Variants in MKLN1 observed in about 807,000 individuals in gnomAD.
MKLN1 encodes the protein muskelin 1, also known as muskelin.
MKLN1 carries 18 observed loss-of-function variants against 99.0 expected under a neutral mutation model. The ratio of observed to expected loss-of-function variants is 0.18; its 90% CI spans 0.13 to 0.27. The LOEUF (loss-of-function observed/expected upper bound fraction) is 0.27, where lower values mean the gene tolerates loss of function less well. Ranked by LOEUF, MKLN1 falls within the 10% of genes least tolerant of loss-of-function variation. MKLN1 has a pLI of 1.00. For synonymous variants in MKLN1, 288 were observed against 293.2 expected (o/e 0.98, Z 0.18); for missense variants, 621 against 875.9 (o/e 0.71, Z 3.67).
chr7:131,144,481 CAAA>C (rs34534901), intron 2 of MKLN1, among the ~76,000 whole-genome samples: 6 of 134,874 alleles, frequency 4.4e-5, no homozygotes, highest in Non-Finnish European at 4.8e-5. Flanking sequence ...GACTGTGTCT[CAAA>C]AAAAAAAAAA....
intron 1 of MKLN1, among the ~76,000 whole-genome samples, chr7:131,365,950 A>G (rs1800168361): frequency 6.6e-6 from 1 of 152,108 alleles, no homozygotes; most frequent in Non-Finnish European, 1.5e-5. Flanking sequence ...GTTATTACTG[A>G]CTTTTGTGTA....
chr7:131,154,224 T>G (rs924204064), intron 2 of MKLN1, among the ~76,000 whole-genome samples: 2 of 151,524 alleles, frequency 1.3e-5, no homozygotes, highest in African/African-American at 2.4e-5. Context: ...GGAAAGAAAG[T>G]GGAGGGGATA....
At chr7:131,231,035 G>T (rs773323388) in intron 3 of MKLN1, among the ~76,000 whole-genome samples, 1 of 136,792 alleles carries the variant, frequency 7.3e-6, no homozygotes, top group Admixed American at 8.3e-5. Flanking sequence ...CACGAGAATC[G>T]TTTGAACCTG....
chr7:131,132,909 G>A (rs1271655984), intron 1 of MKLN1, among the ~76,000 whole-genome samples: 4 of 108,956 alleles, frequency 3.7e-5, no homozygotes, highest in Non-Finnish European at 6.8e-5. Context: ...CTGGGTGACA[G>A]AGTGAGACTC....
chr7:131,221,805 G>A (rs1797064751), intron 3 of MKLN1, among the ~76,000 whole-genome samples: 1 of 151,774 alleles, frequency 6.6e-6, no homozygotes, highest in Non-Finnish European at 1.5e-5. Context: ...ACAGGTATGA[G>A]TCACCATGCC....
intron 3 of MKLN1, among the ~76,000 whole-genome samples, chr7:131,217,607 C>T (rs1164187115): frequency 6.6e-6 from 1 of 152,182 alleles, no homozygotes; most frequent in Non-Finnish European, 1.5e-5. Flanking sequence ...CTGAGGCAGG[C>T]AAATTGCTTG....
chr7:131,368,691 C>T (rs1800254342), intron 1 of MKLN1, among the ~76,000 whole-genome samples: 1 of 152,112 alleles, frequency 6.6e-6, no homozygotes, highest in Non-Finnish European at 1.5e-5. Context: ...CCTCCTCCAA[C>T]ATTTGGAATT....
intron 9 of MKLN1, among the ~76,000 whole-genome samples, chr7:131,434,801 TC>T: frequency 6.6e-6 from 1 of 152,222 alleles, no homozygotes; most frequent in Middle Eastern, 3.4e-3. Flanking sequence ...CAACGAATCC[TC>T]CCACCTTGGC....
intron 12 of MKLN1, among the ~76,000 whole-genome samples, chr7:131,457,106 C>T (rs1340499026): frequency 6.6e-6 from 1 of 151,478 alleles, no homozygotes; most frequent in African/African-American, 2.4e-5. Flanking sequence ...GGAGAAACCC[C>T]GTCTCCACTA....
At chr7:131,403,397 A>G (rs1287340191) in intron 6 of MKLN1, among the ~76,000 whole-genome samples, 1 of 152,178 alleles carries the variant, frequency 6.6e-6, no homozygotes, top group African/African-American at 2.4e-5. Flanking sequence ...GGTTTAATCT[A>G]TCCAGACCGC....
At chr7:131,169,938 C>T (rs1319074244) in intron 2 of MKLN1, among the ~76,000 whole-genome samples, 1 of 152,144 alleles carries the variant, frequency 6.6e-6, no homozygotes, top group Admixed American at 6.5e-5. Context: ...ATAGAAAACC[C>T]TTTCACCTAG....
chr7:131,427,625 C>T (rs888714109), intron 8 of MKLN1, among the ~76,000 whole-genome samples: 3 of 152,136 alleles, frequency 2.0e-5, no homozygotes, highest in Admixed American at 2.0e-4. Flanking sequence ...GTGATCTCAG[C>T]TCCCTGCAAC....
chr7:131,232,906 G>A (rs1797264069), intron 3 of MKLN1, among the ~76,000 whole-genome samples: 1 of 152,026 alleles, frequency 6.6e-6, no homozygotes, highest in South Asian at 2.1e-4. Context: ...CACTGATCAT[G>A]AGGAAAGGCA....
At chr7:131,391,668 A>C (rs1794200560) in intron 4 of MKLN1, among the ~76,000 whole-genome samples, 1 of 152,106 alleles carries the variant, frequency 6.6e-6, no homozygotes, top group Admixed American at 6.6e-5. Flanking sequence ...TTCCTTTCTT[A>C]AGTTACCTTT....
chr7:131,399,537 CT>C, intron 6 of MKLN1, 104 bp downstream of exon 6: 2 of 991,746 alleles, frequency 2.0e-6, no homozygotes, highest in Non-Finnish European at 3.0e-6. Context: ...AATTTTTTTT[CT>C]TGGTTTTTTA....
At chr7:131,427,529 T>G (rs1297132297) in intron 8 of MKLN1, among the ~76,000 whole-genome samples, 2 of 152,110 alleles carry the variant, frequency 1.3e-5, no homozygotes, top group South Asian at 4.1e-4. Context: ...GGGGGAAATA[T>G]TTGAAGAAAG....
chr7:131,168,446 T>G (rs1842178781), intron 2 of MKLN1, among the ~76,000 whole-genome samples: 1 of 152,164 alleles, frequency 6.6e-6, no homozygotes, highest in South Asian at 2.1e-4. Flanking sequence ...TTGACAATCT[T>G]TATGCATGGA....
intron 2 of MKLN1, among the ~76,000 whole-genome samples, chr7:131,382,959 G>A (rs1305020018): frequency 1.3e-5 from 2 of 152,024 alleles, no homozygotes; most frequent in South Asian, 2.1e-4. Context: ...TCTTGACCTC[G>A]TGATCGACCC....
At chr7:131,138,298 G>A (rs1402943184) in intron 1 of MKLN1, among the ~76,000 whole-genome samples, 1 of 152,076 alleles carries the variant, frequency 6.6e-6, no homozygotes, top group Non-Finnish European at 1.5e-5. Flanking sequence ...TAAAATTGGA[G>A]CACAAGGTAC....
Sources: allele counts gnomAD v4.1 joint callset (sites outside exome capture counted in the v4.1 genomes callset), GRCh38; gene constraint gnomAD v4.1.1; transcripts MANE v1.5; gene names NCBI Gene and HGNC (gene_info 2026-07-23, HGNC 2026-07-21).